EEIG1: variants seen among roughly 807,000 people sequenced by gnomAD.
EEIG1 encodes the protein early estrogen-induced gene 1 protein.
At chr9:127,971,352 T>TC in the EEIG1 span, among the ~76,000 whole-genome samples, 5 of 151,998 alleles carry the variant, frequency 3.3e-5, no homozygotes, top group South Asian at 1.0e-3. Context: ...CCCAGCCCCC[T>TC]CCTCCTTTCC....
chr9:127,962,266 C>T, the EEIG1 span, among the ~76,000 whole-genome samples: 3 of 152,198 alleles, frequency 2.0e-5, no homozygotes, highest in African/African-American at 7.2e-5. Context: ...CAAATGAAGG[C>T]CACCTCTGGC....
the EEIG1 span, among the ~76,000 whole-genome samples, chr9:127,966,338 T>C: frequency 6.6e-6 from 1 of 151,318 alleles, no homozygotes; most frequent in Non-Finnish European, 1.5e-5. Flanking sequence ...CTGGGCATGG[T>C]GGTGCGTACC....
the EEIG1 span, among the ~76,000 whole-genome samples, chr9:127,976,839 C>G: frequency 6.6e-6 from 1 of 152,136 alleles, no homozygotes; most frequent in Non-Finnish European, 1.5e-5. This position sits in a 1 kb window ranked among gnomAD's most constrained non-coding sequence, Gnocchi z 4.1. Context: ...TGGGCCATCT[C>G]GGGGGTTCCT....
chr9:127,977,829 T>C, the EEIG1 span, among the ~76,000 whole-genome samples: 19 of 152,286 alleles, frequency 1.2e-4, 1 homozygote, highest in Non-Finnish European at 2.4e-4. Flanking sequence ...AATAATCCTA[T>C]GGGGCCCCCA....
At chr9:127,954,802 G>C in the EEIG1 span, among the ~76,000 whole-genome samples, 1 of 152,190 alleles carries the variant, frequency 6.6e-6, no homozygotes, top group Non-Finnish European at 1.5e-5. Flanking sequence ...ACTAAGCAGA[G>C]GGCTCTGGTC....
the EEIG1 span, chr9:127,980,455 C>T: frequency 5.3e-6 from 1 of 189,296 alleles, no homozygotes; most frequent in Non-Finnish European, 1.1e-5. Context: ...TGCGCGCGAG[C>T]GGCCGCGCTG....
At chr9:127,978,859 T>A in the EEIG1 span, among the ~76,000 whole-genome samples, 10 of 151,164 alleles carry the variant, frequency 6.6e-5, no homozygotes, top group South Asian at 2.1e-4. Context: ...AATTAAAATT[T>A]AAAAAAAATT....
At chr9:127,945,339 C>T in the EEIG1 span, 1 of 1,542,376 alleles carries the variant, frequency 6.5e-7, no homozygotes, top group African/African-American at 1.4e-5. This position sits in a 1 kb window ranked among gnomAD's most constrained non-coding sequence, Gnocchi z 6.5. Flanking sequence ...GGTCTGTTCT[C>T]CAGGGGGCAC....
the EEIG1 span, chr9:127,963,572 GA>G: frequency 6.6e-6 from 1 of 152,314 alleles, no homozygotes; most frequent in African/African-American, 2.4e-5. Context: ...GGGCTGTCTG[GA>G]AACAGCAGAA....
At chr9:127,951,814 CAAAAAA>C in the EEIG1 span, among the ~76,000 whole-genome samples, 2 of 109,218 alleles carry the variant, frequency 1.8e-5, no homozygotes, top group Admixed American at 9.7e-5. Context: ...GACTCCATCT[CAAAAAA>C]AAAAAAAAAA....
At chr9:127,948,019 TA>T in the EEIG1 span, 2 of 1,567,478 alleles carry the variant, frequency 1.3e-6, no homozygotes, top group African/African-American at 1.3e-5. Flanking sequence ...GACATGGAGG[TA>T]AACCCCTCGG....
chr9:127,946,956 C>T, the EEIG1 span, among the ~76,000 whole-genome samples: 3 of 152,038 alleles, frequency 2.0e-5, no homozygotes, highest in Non-Finnish European at 4.4e-5. Context: ...CTCTGGGGGC[C>T]CTGCTTAGGG....
At chr9:127,944,618 G>T in the EEIG1 span, 1 of 1,610,878 alleles carries the variant, frequency 6.2e-7, no homozygotes. Flanking sequence ...GCCCTACCTG[G>T]TGGCAAGCTG....
At chr9:127,963,978 G>GA in the EEIG1 span, among the ~76,000 whole-genome samples, 2 of 152,042 alleles carry the variant, frequency 1.3e-5, no homozygotes, top group African/African-American at 4.8e-5. Context: ...TCAGAGCCGG[G>GA]ACCTCAGGCA....
the EEIG1 span, among the ~76,000 whole-genome samples, chr9:127,952,710 G>GTTTA: frequency 6.6e-6 from 1 of 152,106 alleles, no homozygotes; most frequent in Non-Finnish European, 1.5e-5. Flanking sequence ...CTGCAAATCT[G>GTTTA]TTTATTTATT....
chr9:127,948,333 T>G, the EEIG1 span: 13 of 1,613,258 alleles, frequency 8.1e-6, no homozygotes, highest in Non-Finnish European at 1.0e-5. Flanking sequence ...GGGACTGGGC[T>G]CCCATCCGCT....
chr9:127,978,222 G>A, the EEIG1 span, among the ~76,000 whole-genome samples: 2 of 152,210 alleles, frequency 1.3e-5, no homozygotes, highest in Non-Finnish European at 2.9e-5. Flanking sequence ...TGGCTGTGCA[G>A]TTCCCCTCCC....
chr9:127,943,277 C>G, the EEIG1 span: 1 of 1,605,056 alleles, frequency 6.2e-7, no homozygotes. Context: ...CCCTCGATAC[C>G]CCATTTCCTG....
chr9:127,946,623 TGGGGTGGCCTAG>T, the EEIG1 span, among the ~76,000 whole-genome samples: 2 of 152,210 alleles, frequency 1.3e-5, no homozygotes, highest in Non-Finnish European at 2.9e-5. Flanking sequence ...CCACCTGCGC[TGGGGTGGCCTAG>T]TCCCCAGACA....
Sources: gnomAD v4.1 joint callset for allele counts (sites outside exome capture counted in the v4.1 genomes callset) on GRCh38, gnomAD v4.1.1 for gene constraint, Gnocchi (gnomAD v3.1) non-coding constraint, MANE v1.5 for transcripts, NCBI Gene and HGNC (gene_info 2026-07-23, HGNC 2026-07-21) for gene names.